SDK1: variants seen among roughly 807,000 people sequenced by gnomAD.
The protein encoded by SDK1 is protein sidekick-1.
In SDK1, 157 loss-of-function variants were observed where a neutral mutation model predicts 245.5. That is an observed-to-expected ratio of 0.64 (90% CI 0.56 to 0.73). SDK1 has a LOEUF of 0.73. SDK1 is among the 30% of genes least tolerant of loss of function. SDK1 has a pLI of 0.00. For synonymous variants in SDK1, 1,647 were observed against 1,278.5 expected, an observed-to-expected ratio of 1.29 and a Z score of -6.15; for missense variants, 3,583 against 3,002.3, an observed-to-expected ratio of 1.19 and a Z score of -4.52.
intron 1 of SDK1, among the ~76,000 whole-genome samples, chr7:3,373,994 A>G (rs1279748625): frequency 1.3e-5 from 2 of 152,246 alleles, no homozygotes; most frequent in Non-Finnish European, 2.9e-5. Flanking sequence ...TTGTTTTAAC[A>G]TAAGAATAGC....
rs1360656830 is a variant in SDK1, at chr7:3,574,760, C to G, written c.299-44320C>G. On this transcript the variant is annotated intron_variant, in intron 1 of 44. Coordinates refer to ENST00000404826, the MANE Select transcript of SDK1 (RefSeq NM_152744.4). ...AAACATTTCATTTAAAGTTACGAAA[C>G]AAACCAACTACTCAAAGGCAGAAAT... Among the ~76,000 whole-genome samples the G allele has an allele frequency of 2.0e-5, 3 of 152,054 alleles. 1 individual carries two copies. Among genetic ancestry groups the G allele is most frequent in the Admixed American group, 1.3e-4 (2 of 15,270 alleles).
At chr7:3,580,594 C>T (rs1337725675) in intron 1 of SDK1, among the ~76,000 whole-genome samples, 1 of 152,164 alleles carries the variant, frequency 6.6e-6, no homozygotes, top group South Asian at 2.1e-4. Context: ...TAGGCATATG[C>T]AGGGGATTTT....
chr7:3,394,898 T>G (rs1781854026), intron 1 of SDK1, among the ~76,000 whole-genome samples: 1 of 152,062 alleles, frequency 6.6e-6, no homozygotes, highest in African/African-American at 2.4e-5. Flanking sequence ...TCTAATAGTT[T>G]TTTTGTGGAC....
At chr7:3,701,773 G>C (rs558875519) in intron 4 of SDK1, among the ~76,000 whole-genome samples, 5 of 152,148 alleles carry the variant, frequency 3.3e-5, no homozygotes, top group African/African-American at 1.2e-4. Flanking sequence ...TGTAGGGATA[G>C]ACACATGAAT....
At chr7:3,855,775 G>T (rs960503807) in intron 5 of SDK1, among the ~76,000 whole-genome samples, 1 of 152,158 alleles carries the variant, frequency 6.6e-6, no homozygotes, top group African/African-American at 2.4e-5. Context: ...AAAGATCCTG[G>T]GGTGGATGTG....
chr7:3,764,859 G>C (rs1353435976), intron 4 of SDK1, among the ~76,000 whole-genome samples: 1 of 151,882 alleles, frequency 6.6e-6, no homozygotes, highest in Non-Finnish European at 1.5e-5. Context: ...CTTTTATTAA[G>C]CTAAACATTA....
At chr7:3,656,788 C>T (rs1046339516) in intron 4 of SDK1, among the ~76,000 whole-genome samples, 9 of 150,798 alleles carry the variant, frequency 6.0e-5, no homozygotes, top group South Asian at 4.2e-4. Flanking sequence ...TCGCCCAGGC[C>T]GGACTGCGGA....
intron 1 of SDK1, among the ~76,000 whole-genome samples, chr7:3,351,366 C>G (rs968070285): frequency 6.6e-6 from 1 of 151,952 alleles, no homozygotes. Flanking sequence ...GAAAATGGAC[C>G]TTAACACCAC....
intron 1 of SDK1, among the ~76,000 whole-genome samples, chr7:3,441,481 A>T (rs1043536232): frequency 6.6e-6 from 1 of 152,124 alleles, no homozygotes; most frequent in African/African-American, 2.4e-5. Context: ...CCCTTCCTTC[A>T]CTGAATTGCC....
At chr7:4,042,024 G>A (rs1338722196) in intron 17 of SDK1, among the ~76,000 whole-genome samples, 4 of 135,636 alleles carry the variant, frequency 2.9e-5, no homozygotes, top group Admixed American at 6.9e-5. Context: ...ATGTTGGCCC[G>A]GATGGTCTCT....
At chr7:3,344,403 CGTTA>C (rs1562428110) in intron 1 of SDK1, among the ~76,000 whole-genome samples, 1 of 151,936 alleles carries the variant, frequency 6.6e-6, no homozygotes, top group Non-Finnish European at 1.5e-5. Context: ...TTTTTTTTCT[CGTTA>C]GTTGTATAAG....
At chr7:3,397,731 C>G (rs1313863432) in intron 1 of SDK1, among the ~76,000 whole-genome samples, 2 of 151,934 alleles carry the variant, frequency 1.3e-5, no homozygotes, top group Non-Finnish European at 2.9e-5. Flanking sequence ...ACATTTTTGG[C>G]TATCATTTCT....
rs1788526231 is a variant in SDK1, at chr7:4,267,259, T to TC, written c.*1877dup. ...CTCTCTTCTTTCCTCCCTCCCTCCCTCCTTCCCTCCCTTCCTTCCTCTCTT... is the reference window on the plus strand; with the variant it reads ...CTCTCTTCTTTCCTCCCTCCCTCCCTCCCTTCCCTCCCTTCCTTCCTCTCTT... On this transcript the variant is annotated 3_prime_UTR_variant, in exon 45 of 45. Coordinates refer to ENST00000404826, the MANE Select transcript of SDK1 (RefSeq NM_152744.4). The TC allele has an allele frequency of 1.7e-5, 6 of 360,208 alleles. No homozygotes were observed. The highest frequency in any genetic ancestry group is 2.2e-5 in the Non-Finnish European group (6 of 271,926). 22.3% of individuals were successfully genotyped at this position (360,208 alleles called of 1,614,324 possible).
At chr7:4,262,112 C>G (rs1295993871) in intron 44 of SDK1, among the ~76,000 whole-genome samples, 1 of 132,994 alleles carries the variant, frequency 7.5e-6, no homozygotes, top group Non-Finnish European at 1.6e-5. Flanking sequence ...TCACTGCAAC[C>G]TCAAGAATCC....
intron 22 of SDK1, among the ~76,000 whole-genome samples, chr7:4,098,189 A>G (rs1290302474): frequency 2.0e-5 from 3 of 152,204 alleles, no homozygotes; most frequent in African/African-American, 7.2e-5. Flanking sequence ...TTGAGGTCCT[A>G]TTATGGGACC....
chr7:3,390,714 G>T (rs912457973), intron 1 of SDK1, among the ~76,000 whole-genome samples: 1 of 152,146 alleles, frequency 6.6e-6, no homozygotes, highest in African/African-American at 2.4e-5. Context: ...GCCAAGTATT[G>T]TTGGAACCAC....
At chr7:3,778,011 G>C (rs1238720315) in intron 4 of SDK1, among the ~76,000 whole-genome samples, 2 of 152,126 alleles carry the variant, frequency 1.3e-5, no homozygotes, top group Admixed American at 1.3e-4. Context: ...ACATGATTTT[G>C]TTTTACATAA....
chr7:3,584,528 A>G (rs956608808), intron 1 of SDK1, among the ~76,000 whole-genome samples: 1 of 152,090 alleles, frequency 6.6e-6, no homozygotes, highest in Non-Finnish European at 1.5e-5. Context: ...TTGAGAGTTG[A>G]ACCTTTATCA....
intron 4 of SDK1, among the ~76,000 whole-genome samples, chr7:3,747,290 T>C (rs1177021068): frequency 6.6e-6 from 1 of 152,238 alleles, no homozygotes; most frequent in Non-Finnish European, 1.5e-5. Flanking sequence ...TACTACCCAA[T>C]AGGCAAGTCT....
Sources: gnomAD v4.1 joint callset for allele counts (sites outside exome capture counted in the v4.1 genomes callset) on GRCh38, gnomAD v4.1.1 for gene constraint, MANE v1.5 for transcripts, NCBI Gene and HGNC (gene_info 2026-07-23, HGNC 2026-07-21) for gene names.